Variants in CCSER1 observed in about 807,000 individuals in gnomAD.
CCSER1 encodes the protein coiled-coil serine rich protein 1.
A neutral mutation model predicts 82.0 loss-of-function variants in CCSER1; 41 were observed. The observed-to-expected ratio is 0.50, with a 90% confidence interval of 0.39 to 0.65. CCSER1 has a LOEUF of 0.65. Ranked by LOEUF, CCSER1 falls within the 30% of genes least tolerant of loss-of-function variation. The pLI is 0.00. For missense variants in CCSER1, 1,119 were observed against 1,064.2 expected (o/e 1.05, Z -0.72); for synonymous variants, 414 against 383.9 (o/e 1.08, Z -0.92).
At chr4:90,221,618 C>T (rs1270487369) in intron 1 of CCSER1, among the ~76,000 whole-genome samples, 1 of 152,146 alleles carries the variant, frequency 6.6e-6, no homozygotes, top group South Asian at 2.1e-4. Flanking sequence ...TATTAAAATA[C>T]AAATTGTATC....
intron 10 of CCSER1, among the ~76,000 whole-genome samples, chr4:91,339,824 A>T (rs575351020): frequency 3.0e-4 from 46 of 152,214 alleles, no homozygotes; most frequent in Non-Finnish European, 5.7e-4. Context: ...TACCTACGAC[A>T]AAGATTAATT....
intron 1 of CCSER1, among the ~76,000 whole-genome samples, chr4:90,196,345 C>T (rs938242917): frequency 9.9e-5 from 15 of 152,102 alleles, no homozygotes; most frequent in Non-Finnish European, 2.2e-4. Flanking sequence ...AGATCCTTTT[C>T]GAGACTTCCA....
chr4:90,292,135 C>T (rs1305373901), intron 1 of CCSER1, among the ~76,000 whole-genome samples: 2 of 151,920 alleles, frequency 1.3e-5, no homozygotes, highest in Non-Finnish European at 2.9e-5. Context: ...CATACTTTGA[C>T]TGTCTTTACT....
intron 9 of CCSER1, among the ~76,000 whole-genome samples, chr4:91,010,186 G>T (rs1561468315): frequency 1.3e-5 from 2 of 151,682 alleles, no homozygotes; most frequent in East Asian, 1.9e-4. Context: ...AAGTGGCAGG[G>T]TTTTTTTTGT....
At chr4:90,227,724 C>T (rs1191111781) in intron 1 of CCSER1, among the ~76,000 whole-genome samples, 1 of 152,188 alleles carries the variant, frequency 6.6e-6, no homozygotes, top group Non-Finnish European at 1.5e-5. Context: ...GTTCATCTCA[C>T]TAGGGAGTGC....
Position 91,238,053 on chromosome 4 carries a change from T to A in CCSER1, c.2217+152059T>A, listed in dbSNP as rs1310666878. Among the ~76,000 whole-genome samples the A allele has an allele frequency of 3.3e-5, 5 of 151,706 alleles. No individual in the cohort carries two copies. The East Asian group carries it at 9.7e-4, about 29-fold the overall frequency. ...CTTTTGCATAGTGGGATAGGCAGAG[T>A]TTAAAGATGACCCCCAATGACCCAT... On this transcript the variant is annotated intron_variant, in intron 10 of 10. Transcript: ENST00000509176.
At chr4:90,906,198 T>C (rs959803461) in intron 8 of CCSER1, among the ~76,000 whole-genome samples, 2 of 152,162 alleles carry the variant, frequency 1.3e-5, no homozygotes, top group Non-Finnish European at 2.9e-5. Flanking sequence ...ATTCAGATAA[T>C]ACATATACGG....
intron 8 of CCSER1, among the ~76,000 whole-genome samples, chr4:90,861,320 TC>T (rs964449477): frequency 6.6e-6 from 1 of 151,706 alleles, no homozygotes; most frequent in Non-Finnish European, 1.5e-5. Context: ...TTTAAATTAG[TC>T]CCTGCAGGGT....
At chr4:90,866,478 C>T (rs141710159) in intron 8 of CCSER1, among the ~76,000 whole-genome samples, 202 of 152,122 alleles carry the variant, frequency 1.3e-3, no homozygotes, top group Middle Eastern at 6.8e-3. Flanking sequence ...ATCTTCAATA[C>T]AATTTGGAAA....
chr4:91,039,994 A>G (rs901262987), intron 9 of CCSER1, among the ~76,000 whole-genome samples: 3 of 152,164 alleles, frequency 2.0e-5, no homozygotes, highest in Non-Finnish European at 4.4e-5. Flanking sequence ...ACTCTATTCT[A>G]ATATTTAATG....
chr4:90,190,467 C>G (rs191103043), intron 1 of CCSER1, among the ~76,000 whole-genome samples: 4 of 152,176 alleles, frequency 2.6e-5, no homozygotes, highest in Admixed American at 2.6e-4. Context: ...ATCTTTGCTA[C>G]TTTTTTACTT....
intron 10 of CCSER1, among the ~76,000 whole-genome samples, chr4:91,540,099 G>A (rs1339159228): frequency 2.0e-5 from 3 of 151,912 alleles, no homozygotes; most frequent in Non-Finnish European, 2.9e-5. Context: ...GCTTTTTTAT[G>A]CTCATAGAAA....
At chr4:91,044,399 G>A (rs1185383504) in intron 9 of CCSER1, among the ~76,000 whole-genome samples, 1 of 152,164 alleles carries the variant, frequency 6.6e-6, no homozygotes, top group East Asian at 1.9e-4. Context: ...TGGCTTTGCA[G>A]CGCACAAAAT....
At chr4:91,344,167 A>T (rs1332985165) in intron 10 of CCSER1, among the ~76,000 whole-genome samples, 3 of 152,144 alleles carry the variant, frequency 2.0e-5, no homozygotes, top group Non-Finnish European at 4.4e-5. Context: ...TAGTGTCCTT[A>T]TAAAAGGGAT....
intron 3 of CCSER1, among the ~76,000 whole-genome samples, chr4:90,325,878 C>T (rs1449135421): frequency 6.6e-6 from 1 of 151,946 alleles, no homozygotes; most frequent in African/African-American, 2.4e-5. Context: ...TCAGTATTGA[C>T]CATTAGAATT....
At chr4:91,422,356 G>A (rs1477258408) in intron 10 of CCSER1, among the ~76,000 whole-genome samples, 1 of 151,954 alleles carries the variant, frequency 6.6e-6, no homozygotes, top group African/African-American at 2.4e-5. Context: ...CACAGCACAG[G>A]GATCTTCTCT....
chr4:90,654,692 C>A (rs1213329263), intron 6 of CCSER1, among the ~76,000 whole-genome samples: 2 of 152,078 alleles, frequency 1.3e-5, no homozygotes, highest in Non-Finnish European at 2.9e-5. Flanking sequence ...AACCCTCTCT[C>A]AGTTTCTTGG....
At chr4:90,601,603 C>T (rs773784140) in intron 5 of CCSER1, among the ~76,000 whole-genome samples, 3 of 148,122 alleles carry the variant, frequency 2.0e-5, no homozygotes, top group Non-Finnish European at 4.5e-5. Flanking sequence ...TTCATTTGCT[C>T]TTTTTGTTTA....
At chr4:90,667,047 G>A (rs1215263835) in intron 6 of CCSER1, among the ~76,000 whole-genome samples, 2 of 152,170 alleles carry the variant, frequency 1.3e-5, no homozygotes, top group Non-Finnish European at 2.9e-5. Flanking sequence ...CATGGTCTTT[G>A]GAAGAGAGTG....
Sources: allele counts gnomAD v4.1 joint callset (sites outside exome capture counted in the v4.1 genomes callset), GRCh38; gene constraint gnomAD v4.1.1; transcripts MANE v1.5; gene names NCBI Gene and HGNC (gene_info 2026-07-23, HGNC 2026-07-21).